Variants in CASZ1 observed in about 807,000 individuals in gnomAD.
The protein encoded by CASZ1 is zinc finger protein castor homolog 1.
In CASZ1, 28 loss-of-function variants were observed where a neutral mutation model predicts 135.2. The observed-to-expected ratio is 0.21, with a 90% CI of 0.15 to 0.28. CASZ1 has a LOEUF of 0.28. Among genes scored for constraint, CASZ1 ranks in the 10% least tolerant of loss-of-function variants. The probability of loss-of-function intolerance (pLI) is 1.00; values close to 1 mark genes in which losing one functional copy is unlikely to be tolerated. For missense variants in CASZ1, 2,161 were observed against 2,453.3 expected (o/e 0.88, Z 2.52); for synonymous variants, 1,068 against 1,073.4 (o/e 0.99, Z 0.10).
chr1:10,716,443 T>A (rs958584436), intron 2 of CASZ1, among the ~76,000 whole-genome samples: 4 of 152,244 alleles, frequency 2.6e-5, no homozygotes, highest in African/African-American at 9.6e-5. Flanking sequence ...TAAATCTGGC[T>A]TGCTCACATC....
intron 2 of CASZ1, among the ~76,000 whole-genome samples, chr1:10,718,458 C>T (rs284232): frequency 0.015 from 2,327 of 152,362 alleles, 64 homozygotes; most frequent in African/African-American, 0.052. Context: ...CGCAGGACTC[C>T]CCCAGACTCC....
Sources: gnomAD v4.1 joint callset for allele counts (sites outside exome capture counted in the v4.1 genomes callset) on GRCh38, gnomAD v4.1.1 for gene constraint, MANE v1.5 for transcripts, NCBI Gene and HGNC (gene_info 2026-07-23, HGNC 2026-07-21) for gene names.